The following EFNA5 variants were observed in gnomAD, a reference collection of about 807,000 sequenced individuals.
EFNA5 encodes ephrin-A5.
A neutral mutation model predicts 22.9 loss-of-function variants in EFNA5; 5 were observed. The observed-to-expected ratio is 0.22, with a 90% CI of 0.11 to 0.46. EFNA5 has a LOEUF of 0.46. Among genes scored for constraint, EFNA5 ranks in the 20% least tolerant of loss-of-function variants. The pLI is 0.99. For synonymous variants in EFNA5, 113 were observed against 112.2 expected, an observed-to-expected ratio of 1.01 and a Z score of -0.04; for missense variants, 237 against 293.3, an observed-to-expected ratio of 0.81 and a Z score of 1.40.
At chr5:107,506,997 A>G (rs1363914673) in intron 1 of EFNA5, among the ~76,000 whole-genome samples, 1 of 152,238 alleles carries the variant, frequency 6.6e-6, no homozygotes, top group Non-Finnish European at 1.5e-5. Flanking sequence ...ATAAGAATCT[A>G]AATTTTTGAA....
At chr5:107,575,095 C>T (rs764635377) in intron 1 of EFNA5, among the ~76,000 whole-genome samples, 3 of 152,076 alleles carry the variant, frequency 2.0e-5, no homozygotes, top group Non-Finnish European at 4.4e-5. Flanking sequence ...ACTCTTCAAA[C>T]GTAACAAAGA....
At chr5:107,418,465 A>T (rs1748565132) in intron 2 of EFNA5, among the ~76,000 whole-genome samples, 1 of 152,220 alleles carries the variant, frequency 6.6e-6, no homozygotes, top group Non-Finnish European at 1.5e-5. Flanking sequence ...GGATAAAAAG[A>T]ACAATCCTTT....
At chr5:107,556,560 A>C (rs555255127) in intron 1 of EFNA5, among the ~76,000 whole-genome samples, 3 of 152,140 alleles carry the variant, frequency 2.0e-5, no homozygotes, top group African/African-American at 7.2e-5. Context: ...AGCCTGGACA[A>C]CATGATGAAA....
At chr5:107,653,631 G>A (rs1252565512) in intron 1 of EFNA5, among the ~76,000 whole-genome samples, 2 of 152,186 alleles carry the variant, frequency 1.3e-5, no homozygotes, top group East Asian at 3.8e-4. Flanking sequence ...CTAGAGGGAA[G>A]AGGGGTATGG....
chr5:107,663,349 A>G (rs1348187264), intron 1 of EFNA5, among the ~76,000 whole-genome samples: 2 of 152,140 alleles, frequency 1.3e-5, no homozygotes, highest in Non-Finnish European at 2.9e-5. Context: ...ATGGTAATCC[A>G]TATATTATAC....
At chr5:107,563,591 T>C (rs1456311727) in intron 1 of EFNA5, among the ~76,000 whole-genome samples, 3 of 152,094 alleles carry the variant, frequency 2.0e-5, no homozygotes, top group African/African-American at 7.2e-5. Flanking sequence ...TGTGAGCCAC[T>C]ATGTCTGGCT....
At chr5:107,547,891 AT>A (rs1475079598) in intron 1 of EFNA5, among the ~76,000 whole-genome samples, 2 of 152,178 alleles carry the variant, frequency 1.3e-5, no homozygotes, top group African/African-American at 4.8e-5. Context: ...TTGAATCACT[AT>A]TTTTTGAACA....
intron 1 of EFNA5, among the ~76,000 whole-genome samples, chr5:107,476,056 A>ATATATATATATATATATATATATATT (rs1454967869): frequency 8.7e-6 from 1 of 115,404 alleles, no homozygotes; most frequent in African/African-American, 3.5e-5. Flanking sequence ...CTATATATAT[A>ATATATATATATATATATATATATATT]TTTTTTTTTT....
chr5:107,514,356 A>G (rs1034273575), intron 1 of EFNA5, among the ~76,000 whole-genome samples: 1 of 152,210 alleles, frequency 6.6e-6, no homozygotes, highest in African/African-American at 2.4e-5. Flanking sequence ...AATCAGAAAG[A>G]AAGCATTTGT....
At chr5:107,589,777 G>A (rs1749278751) in intron 1 of EFNA5, among the ~76,000 whole-genome samples, 1 of 152,172 alleles carries the variant, frequency 6.6e-6, no homozygotes, top group South Asian at 2.1e-4. Context: ...TCTGGAAGAG[G>A]ACAGGGGTTT....
chr5:107,407,699 G>T (rs1432222222), intron 2 of EFNA5, among the ~76,000 whole-genome samples: 1 of 152,186 alleles, frequency 6.6e-6, no homozygotes, highest in Admixed American at 6.5e-5. Flanking sequence ...TTATGAAACA[G>T]TTTAGTTGAA....
intron 2 of EFNA5, among the ~76,000 whole-genome samples, chr5:107,397,039 A>G (rs939567415): frequency 2.6e-5 from 4 of 152,064 alleles, no homozygotes; most frequent in Admixed American, 6.6e-5. Flanking sequence ...ATACCAGTCC[A>G]TGGATATTGT....
chr5:107,402,565 C>T (rs1580427378), intron 2 of EFNA5, among the ~76,000 whole-genome samples: 5 of 152,198 alleles, frequency 3.3e-5, no homozygotes, highest in Admixed American at 1.3e-4. Flanking sequence ...AATCTACAGC[C>T]ATCCCTACAA....
At chr5:107,535,925 A>G (rs937224747) in intron 1 of EFNA5, among the ~76,000 whole-genome samples, 4 of 152,298 alleles carry the variant, frequency 2.6e-5, no homozygotes, top group African/African-American at 9.6e-5. Flanking sequence ...ACACTTGTCT[A>G]TCTGGAAAGC....
intron 1 of EFNA5, among the ~76,000 whole-genome samples, chr5:107,513,235 C>T (rs934669568): frequency 1.3e-4 from 20 of 152,240 alleles, no homozygotes; most frequent in African/African-American, 4.3e-4. Context: ...GCTTTGCCCC[C>T]TCCTGAGCCA....
intron 2 of EFNA5, among the ~76,000 whole-genome samples, chr5:107,410,203 T>C (rs973183505): frequency 6.6e-5 from 10 of 152,078 alleles, no homozygotes; most frequent in Non-Finnish European, 1.5e-4. Flanking sequence ...AATTTCTTTT[T>C]GTATTTTTAG....
chr5:107,670,043 A>T (rs1751156305), intron 1 of EFNA5, among the ~76,000 whole-genome samples: 1 of 150,750 alleles, frequency 6.6e-6, no homozygotes, highest in Non-Finnish European at 1.5e-5. Flanking sequence ...AAAAAAAAAA[A>T]AAAAAAAAAA....
intron 1 of EFNA5, among the ~76,000 whole-genome samples, chr5:107,599,330 T>C (rs1028974298): frequency 3.9e-5 from 6 of 152,228 alleles, no homozygotes; most frequent in African/African-American, 1.4e-4. Flanking sequence ...ATATTTCCAA[T>C]TTAAAAAGCA....
chr5:107,611,546 T>C (rs886585843), intron 1 of EFNA5, among the ~76,000 whole-genome samples: 2 of 152,242 alleles, frequency 1.3e-5, no homozygotes, highest in African/African-American at 2.4e-5. Context: ...TTAGGTTTTC[T>C]TTATTCTATT....
Sources: allele counts gnomAD v4.1 joint callset (sites outside exome capture counted in the v4.1 genomes callset), GRCh38; gene constraint gnomAD v4.1.1; transcripts MANE v1.5; gene names NCBI Gene and HGNC (gene_info 2026-07-23, HGNC 2026-07-21).